The following DNAJC15 variants were observed in gnomAD, a reference collection of about 807,000 sequenced individuals.
DNAJC15 encodes the protein DnaJ heat shock protein family (Hsp40) member C15.
A neutral mutation model predicts 22.4 loss-of-function variants in DNAJC15; 27 were observed. That is an observed-to-expected ratio of 1.20 (90% confidence interval 0.89 to 1.66). The LOEUF (loss-of-function observed/expected upper bound fraction) is 1.66. DNAJC15 is among the 40% of genes most tolerant of loss of function. The probability of loss-of-function intolerance (pLI) is 0.00; values close to 1 mark genes in which losing one functional copy is unlikely to be tolerated. For synonymous variants in DNAJC15, 79 were observed against 63.2 expected, an observed-to-expected ratio of 1.25 and a Z score of -1.19; for missense variants, 208 against 187.1, an observed-to-expected ratio of 1.11 and a Z score of -0.65.
chr13:43,075,750 C>T (rs1179908582), intron 3 of DNAJC15, among the ~76,000 whole-genome samples: 1 of 152,146 alleles, frequency 6.6e-6, no homozygotes, highest in Non-Finnish European at 1.5e-5. Flanking sequence ...GCAACCTCCA[C>T]CTCCCAGGGT....
chr13:43,068,915 C>T lies in DNAJC15; in HGVS notation c.161-15C>T. ...TATAGAAAATACATTTGCTTTTATT[C>T]CCTTTACTATTTAGGTCGCTACGCA... On this transcript the variant is annotated splice_polypyrimidine_tract_variant and intron_variant, in intron 2 of 5. Transcript: ENST00000379221. The T allele has an allele frequency of 6.2e-7, 1 of 1,606,402 alleles. No individual in the cohort carries two copies.
At chr13:43,065,546 A>T in intron 1 of DNAJC15, 140 bp from the exon 2 acceptor site, 1 of 653,506 alleles carries the variant, frequency 1.5e-6, no homozygotes, top group Non-Finnish European at 2.6e-6. Context: ...GACACTGCAT[A>T]TTTTTTTAAG....
intron 1 of DNAJC15, among the ~76,000 whole-genome samples, chr13:43,060,479 G>T (rs1335052398): frequency 6.6e-6 from 1 of 152,112 alleles, no homozygotes; most frequent in Non-Finnish European, 1.5e-5. Context: ...GTCCAAGGGG[G>T]TTCAACGTTA....
intron 4 of DNAJC15, 191 bp downstream of exon 4, chr13:43,078,879 A>C (rs1439804177): frequency 7.5e-6 from 3 of 399,672 alleles, no homozygotes; most frequent in Non-Finnish European, 1.3e-5. Context: ...AAAACAAAAC[A>C]AAACAAAAAA....
chr13:43,055,875 ATAT>A (rs2040528627), intron 1 of DNAJC15, among the ~76,000 whole-genome samples: 1 of 152,100 alleles, frequency 6.6e-6, no homozygotes, highest in Admixed American at 6.5e-5. Flanking sequence ...TTTTGATTTA[ATAT>A]TATGAACTTT....
At chr13:43,105,612 A>T (rs187595508) in intron 5 of DNAJC15, among the ~76,000 whole-genome samples, 1 of 152,142 alleles carries the variant, frequency 6.6e-6, no homozygotes, top group South Asian at 2.1e-4. Flanking sequence ...AAGACTCTCT[A>T]TCATCTGTGC....
chr13:43,063,070 C>T (rs1268181706), intron 1 of DNAJC15, among the ~76,000 whole-genome samples: 2 of 151,902 alleles, frequency 1.3e-5, no homozygotes, highest in Non-Finnish European at 2.9e-5. Context: ...AGTGCAGTGG[C>T]ACAATCTCAG....
intron 1 of DNAJC15, among the ~76,000 whole-genome samples, chr13:43,029,533 C>T (rs1593307473): frequency 6.7e-6 from 1 of 148,874 alleles, no homozygotes; most frequent in African/African-American, 2.4e-5. Context: ...ATTTTGGTGC[C>T]TTTTTTTTTT....
At chr13:43,100,258 A>T (rs1363827384) in intron 5 of DNAJC15, among the ~76,000 whole-genome samples, 1 of 131,430 alleles carries the variant, frequency 7.6e-6, no homozygotes, top group African/African-American at 2.9e-5. Flanking sequence ...CCCAGACTGG[A>T]GTGCAGTGGC....
At chr13:43,053,445 ATGC>A (rs1388337723) in intron 1 of DNAJC15, among the ~76,000 whole-genome samples, 1 of 151,956 alleles carries the variant, frequency 6.6e-6, no homozygotes, top group Non-Finnish European at 1.5e-5. Context: ...GTAAATGATG[ATGC>A]TCGTATTTTG....
chr13:43,085,234 G>A lies in DNAJC15; in HGVS notation c.312-534G>A, dbSNP rs559387914. Among the ~76,000 whole-genome samples, 8 of 152,048 alleles carry A rather than the reference G, an allele frequency of 5.3e-5. No homozygotes were observed. In the South Asian group the frequency reaches 1.0e-3, roughly 20 times the overall value. ...AAATTAGCCGGGTGTGGTGGCGCGC[G>A]TCTGTAATCCCAGCTGCTTGGGAGG... is the stretch of plus-strand genomic sequence containing the variant. On this transcript the variant is annotated intron_variant, in intron 4 of 5. Transcript: ENST00000379221.
intron 1 of DNAJC15, among the ~76,000 whole-genome samples, chr13:43,036,865 TCAGCTTAGCCA>T (rs1373650922): frequency 6.6e-6 from 1 of 152,212 alleles, no homozygotes; most frequent in East Asian, 1.9e-4. Context: ...AGACAGTGCC[TCAGCTTAGCCA>T]CAACTTTGCC....
At chr13:43,052,948 A>G (rs1041255752) in intron 1 of DNAJC15, among the ~76,000 whole-genome samples, 1 of 150,888 alleles carries the variant, frequency 6.6e-6, no homozygotes, top group Non-Finnish European at 1.5e-5. Flanking sequence ...TGGCTTTTTG[A>G]TCATTCAGGA....
At chr13:43,024,893 TA>T (rs34398144) in intron 1 of DNAJC15, among the ~76,000 whole-genome samples, 42,671 of 85,938 alleles carry the variant, frequency 0.5, 10,421 homozygotes, top group Non-Finnish European at 0.56. Flanking sequence ...CCATCTCTGC[TA>T]AAAAAAAAAA....
At chr13:43,050,425 G>A (rs898547129) in intron 1 of DNAJC15, among the ~76,000 whole-genome samples, 3 of 151,580 alleles carry the variant, frequency 2.0e-5, no homozygotes, top group Admixed American at 6.6e-5. Context: ...TCCACTTCAG[G>A]CTCCCAAGCA....
chr13:43,110,576 CTA>C lies in DNAJC15; in HGVS notation c.*3330_*3331del, dbSNP rs1037303943. The C allele has an allele frequency of 3.3e-5, 5 of 152,126 alleles. No individual in the cohort carries two copies. Among genetic ancestry groups the C allele is most frequent in the Admixed American group, 2.6e-4 (4 of 15,262 alleles). The allele number at this position is 152,126 out of a possible 1,614,324, so 9.4% of individuals were successfully genotyped here. A position where few individuals can be genotyped will look rare whatever the true frequency, so the allele number is the denominator to read the frequency against. ...AGAAAGTTTCAGATAATAAATACAA[CTA>C]TTTTTCTGCTGTTACCCTTGTACCT... is the stretch of plus-strand genomic sequence containing the variant. On this transcript the variant is annotated 3_prime_UTR_variant, in exon 6 of 6. Coordinates refer to ENST00000379221, the MANE Select transcript of DNAJC15 (RefSeq NM_013238.3).
intron 1 of DNAJC15, among the ~76,000 whole-genome samples, chr13:43,046,227 G>A: frequency 6.6e-6 from 1 of 151,554 alleles, no homozygotes; most frequent in Non-Finnish European, 1.5e-5. Flanking sequence ...TCTTCCGTGA[G>A]ACTTTTGAAT....
At position 43,109,453 on chromosome 13, in the gene DNAJC15, A is replaced by G. The variant is rs2040814274; in HGVS notation, c.*2205A>G. Reference sequence around the variant, plus strand: ...CTAATTTTTAAAGCTCTGCTAAGGAATATTGGGGCACCCTCAGATGCACCT... The same window carrying G: ...CTAATTTTTAAAGCTCTGCTAAGGAGTATTGGGGCACCCTCAGATGCACCT... On this transcript the variant is annotated 3_prime_UTR_variant, in exon 6 of 6. Coordinates refer to ENST00000379221, the MANE Select transcript of DNAJC15 (RefSeq NM_013238.3). The G allele has an allele frequency of 6.6e-6, 1 of 152,224 alleles. No homozygotes were observed. The highest frequency in any genetic ancestry group is 1.5e-5 in the Non-Finnish European group (1 of 68,050). 9.4% of individuals were successfully genotyped at this position (152,224 alleles called of 1,614,324 possible).
intron 1 of DNAJC15, among the ~76,000 whole-genome samples, chr13:43,033,050 A>G (rs66692105): frequency 0.22 from 33,640 of 151,874 alleles, 3,828 homozygotes; most frequent in Non-Finnish European, 0.24. Context: ...ACCCCCAGAA[A>G]ACCAGATCTT....
Sources: gnomAD v4.1 joint callset for allele counts (sites outside exome capture counted in the v4.1 genomes callset) on GRCh38, gnomAD v4.1.1 for gene constraint, MANE v1.5 for transcripts, NCBI Gene and HGNC (gene_info 2026-07-23, HGNC 2026-07-21) for gene names.